RAP1GAP2: variants seen among roughly 807,000 people sequenced by gnomAD.
RAP1GAP2 encodes RAP1 GTPase activating protein 2.
In RAP1GAP2, 27 loss-of-function variants were observed where a neutral mutation model predicts 95.0. The ratio of observed to expected loss-of-function variants is 0.28; its 90% CI spans 0.21 to 0.39. The LOEUF is 0.39. RAP1GAP2 is among the 10% of genes least tolerant of loss of function. The pLI is 1.00. For synonymous variants in RAP1GAP2, 373 were observed against 380.9 expected, an observed-to-expected ratio of 0.98 and a Z score of 0.24; for missense variants, 771 against 970.0, an observed-to-expected ratio of 0.79 and a Z score of 2.72.
Position 2,965,284 on chromosome 17 carries a change from G to A in RAP1GAP2, c.493-256G>A. 1 of 502,516 alleles carries A rather than the reference G, an allele frequency of 2.0e-6. No homozygotes were observed. The highest frequency in any genetic ancestry group is 3.6e-6 in the Non-Finnish European group (1 of 278,724). The allele number at this position is 502,516 out of a possible 1,614,324, so 31.1% of individuals were successfully genotyped here. A position where few individuals can be genotyped will look rare whatever the true frequency, so the allele number is the denominator to read the frequency against. On this transcript the variant is annotated intron_variant, in intron 7 of 24. Coordinates refer to ENST00000254695, the MANE Select transcript of RAP1GAP2 (RefSeq NM_015085.5). This position sits in a 1 kb window ranked among gnomAD's most constrained non-coding sequence, Gnocchi z 4.7. ...CCATTGGTTTTCCCATCTGTGAAAT[G>A]GGGATGATGTTCTCTCCCGGATACA...
chr17:2,781,632 G>A (rs1167819525), intron 1 of RAP1GAP2, among the ~76,000 whole-genome samples: 4 of 150,552 alleles, frequency 2.7e-5, no homozygotes, highest in Non-Finnish European at 5.9e-5. Flanking sequence ...ACGTCTCTGT[G>A]TGAGCACGTC....
At chr17:2,833,301 C>T (rs1014915757) in intron 2 of RAP1GAP2, among the ~76,000 whole-genome samples, 1 of 151,378 alleles carries the variant, frequency 6.6e-6, no homozygotes, top group African/African-American at 2.4e-5. Context: ...CACCACCATG[C>T]CTGATTTTTG....
chr17:2,805,768 G>GTGTGTGTGTC (rs554025946), intron 2 of RAP1GAP2, among the ~76,000 whole-genome samples: 52 of 151,770 alleles, frequency 3.4e-4, no homozygotes, highest in Non-Finnish European at 6.6e-4. Flanking sequence ...GTGTGTGTGT[G>GTGTGTGTGTC]TGTCTGTCTG....
chr17:2,938,131 C>T (rs1319331901), intron 3 of RAP1GAP2, among the ~76,000 whole-genome samples: 1 of 152,192 alleles, frequency 6.6e-6, no homozygotes, highest in Non-Finnish European at 1.5e-5. Flanking sequence ...TCTCACCTTG[C>T]TCTGGACACA....
chr17:2,862,423 T>G (rs1375443833), intron 2 of RAP1GAP2, among the ~76,000 whole-genome samples: 1 of 152,152 alleles, frequency 6.6e-6, no homozygotes, highest in East Asian at 1.9e-4. Context: ...GTCAGGCCTG[T>G]TCGGTGAAAT....
intron 3 of RAP1GAP2, among the ~76,000 whole-genome samples, chr17:2,943,053 A>C (rs111453765): frequency 6.6e-6 from 1 of 152,014 alleles, no homozygotes; most frequent in Non-Finnish European, 1.5e-5. Flanking sequence ...ACAGGTGTGA[A>C]CCACCACACC....
chr17:2,783,113 A>T (rs1039055323), intron 1 of RAP1GAP2, among the ~76,000 whole-genome samples: 31 of 152,294 alleles, frequency 2.0e-4, no homozygotes, highest in African/African-American at 6.7e-4. Context: ...AAGGTCACAC[A>T]GCTAGTAAGT....
intron 2 of RAP1GAP2, among the ~76,000 whole-genome samples, chr17:2,896,211 G>A (rs1014757151): frequency 6.6e-5 from 10 of 152,128 alleles, no homozygotes; most frequent in Admixed American, 3.9e-4. Context: ...TGGGTGTGCC[G>A]TGCCTGCAGG....
At chr17:2,780,232 G>A (rs2068611620) in intron 1 of RAP1GAP2, among the ~76,000 whole-genome samples, 1 of 152,204 alleles carries the variant, frequency 6.6e-6, no homozygotes, top group South Asian at 2.1e-4. Context: ...TGTATTTTCA[G>A]TAGGGACAGG....
In RAP1GAP2 at chr17:2,963,151, G is replaced by A; in HGVS notation, c.247-279G>A. ...GACTAGGGGTCATTTTCCGGAATGA[G>A]CGTTCTAGGATGAGAAGCTGGTATC... On this transcript the variant is annotated intron_variant, in intron 5 of 24. Transcript: ENST00000254695. The surrounding 1 kb of genome is among the most constrained non-coding windows in gnomAD (Gnocchi z 4.8). 1.8e-6 allele frequency: 1 copy of A among 555,974 alleles called. No homozygotes were observed. Among genetic ancestry groups the A allele is most frequent in the Admixed American group, 3.3e-5 (1 of 29,994 alleles). 34.4% of individuals were successfully genotyped at this position (555,974 alleles called of 1,614,324 possible).
At chr17:2,808,563 C>T (rs1275441261) in intron 2 of RAP1GAP2, among the ~76,000 whole-genome samples, 2 of 152,110 alleles carry the variant, frequency 1.3e-5, no homozygotes, top group African/African-American at 2.4e-5. Context: ...AGCTGCACGG[C>T]GTCCCCTCGC....
Position 3,031,009 on chromosome 17 carries a change from G to T in RAP1GAP2, c.2184+11G>T. ...GCCAGCTCTGGTGCGGTAAGGATGC[G>T]CCTCCCACACCCCACACTCCACTTT... On this transcript the variant is annotated intron_variant, in intron 23 of 24. Coordinates refer to ENST00000254695, the MANE Select transcript of RAP1GAP2 (RefSeq NM_015085.5). 6.3e-7 allele frequency: 1 copy of T among 1,589,708 alleles called. No homozygotes were observed. The highest frequency in any genetic ancestry group is 1.1e-5 in the South Asian group (1 of 88,210).
At chr17:2,958,746 G>C (rs953429582) in intron 4 of RAP1GAP2, among the ~76,000 whole-genome samples, 1 of 150,164 alleles carries the variant, frequency 6.7e-6, no homozygotes, top group Non-Finnish European at 1.5e-5. Flanking sequence ...AAGGGAGGAA[G>C]ATTCTGCAAT....
At chr17:2,792,371 A>G (rs2068948423), upstream of RAP1GAP2, among the ~76,000 whole-genome samples, 1 of 152,124 alleles carries the variant, frequency 6.6e-6, no homozygotes, top group Non-Finnish European at 1.5e-5. Flanking sequence ...TTGCTGATAA[A>G]CTCGTGAAGG....
At chr17:2,804,874 G>A (rs77186215) in intron 2 of RAP1GAP2, among the ~76,000 whole-genome samples, 5,889 of 152,270 alleles carry the variant, frequency 0.039, 219 homozygotes, top group East Asian at 0.15. Flanking sequence ...CAGTTTCCCC[G>A]TCTGTAAAGG....
At chr17:2,936,905 A>G (rs1273365587) in intron 3 of RAP1GAP2, among the ~76,000 whole-genome samples, 1 of 152,190 alleles carries the variant, frequency 6.6e-6, no homozygotes, top group East Asian at 1.9e-4. Flanking sequence ...TGATTGTCAT[A>G]GTCACCAGAC....
intron 3 of RAP1GAP2, among the ~76,000 whole-genome samples, chr17:2,953,771 C>T (rs1018005237): frequency 3.6e-4 from 55 of 152,210 alleles, no homozygotes; most frequent in Admixed American, 1.3e-3. Context: ...CGCTTGAACC[C>T]AGGAGGTGGA....
chr17:2,867,464 C>G lies in RAP1GAP2; in HGVS notation c.81-37820C>G, dbSNP rs11656002. Among the ~76,000 whole-genome samples the G allele has an allele frequency of 0.52, 78,409 of 151,870 alleles. 21,045 individuals carry two copies. Among genetic ancestry groups the G allele is most frequent in the East Asian group, 0.71 (3,646 of 5,162 alleles). ...TCCACGAAGATGGACGATGGCTGCC[C>G]TGGGCTGACCTTCTACCCACTTAGC... On this transcript the variant is annotated intron_variant, in intron 2 of 24. Coordinates refer to ENST00000254695, the MANE Select transcript of RAP1GAP2 (RefSeq NM_015085.5). This position sits in a 1 kb window ranked among gnomAD's most constrained non-coding sequence, Gnocchi z 4.5.
Position 3,020,488 on chromosome 17 carries a change from G to A in RAP1GAP2, c.1644G>A (p.Val548=). 1 of 1,613,602 alleles carries A rather than the reference G, an allele frequency of 6.2e-7. No individual in the cohort carries two copies. Among genetic ancestry groups the A allele is most frequent in the Non-Finnish European group, 8.5e-7 (1 of 1,179,794 alleles). ...VTKTTFSPPV[V]AATVKNQSRS... ...AATTTCATCGACAGCCTCCAGTGGTGGCGGCAACGGTGAAGAACCAGTCAC... is the reference window on the plus strand; with the variant it reads ...AATTTCATCGACAGCCTCCAGTGGTAGCGGCAACGGTGAAGAACCAGTCAC... Residue 548 remains valine (V), a synonymous_variant, in exon 19 of 25, where the codon GTG becomes GTA. Coordinates refer to ENST00000254695, the MANE Select transcript of RAP1GAP2 (RefSeq NM_015085.5).
Sources: gnomAD v4.1 joint callset for allele counts (sites outside exome capture counted in the v4.1 genomes callset) on GRCh38, gnomAD v4.1.1 for gene constraint, Gnocchi (gnomAD v3.1) non-coding constraint, MANE v1.5 for transcripts, NCBI Gene and HGNC (gene_info 2026-07-23, HGNC 2026-07-21) for gene names.